MGAT5: variants seen among roughly 807,000 people sequenced by gnomAD.
The protein encoded by MGAT5 is alpha-1,6-mannosylglycoprotein 6-beta-N-acetylglucosaminyltransferase.
MGAT5 carries 30 observed loss-of-function variants against 94.3 expected under a neutral mutation model. That is an observed-to-expected ratio of 0.32 (90% CI 0.24 to 0.43). The LOEUF is 0.43. Among genes scored for constraint, MGAT5 ranks in the 20% least tolerant of loss-of-function variants. The pLI is 1.00. For missense variants in MGAT5, 691 were observed against 905.5 expected (o/e 0.76, Z 3.04); for synonymous variants, 310 against 322.9 (o/e 0.96, Z 0.43).
At chr2:134,200,466 C>A (rs1679731377) in intron 1 of MGAT5, among the ~76,000 whole-genome samples, 1 of 152,188 alleles carries the variant, frequency 6.6e-6, no homozygotes, top group Non-Finnish European at 1.5e-5. Flanking sequence ...AATGGTGTTA[C>A]AAGTCTCTTT....
intron 1 of MGAT5, among the ~76,000 whole-genome samples, chr2:134,215,161 C>G (rs11679218): frequency 6.6e-6 from 1 of 152,090 alleles, no homozygotes; most frequent in Non-Finnish European, 1.5e-5. Flanking sequence ...TTGATCCACC[C>G]ATTCTACCGT....
At chr2:134,174,888 G>T (rs10496721) in intron 1 of MGAT5, among the ~76,000 whole-genome samples, 27,605 of 152,236 alleles carry the variant, frequency 0.18, 2,752 homozygotes, top group South Asian at 0.24. Flanking sequence ...CCTCTTCTGG[G>T]TGCTTTGCCT....
chr2:134,159,748 C>T (rs7573260), intron 1 of MGAT5, among the ~76,000 whole-genome samples: 11,257 of 152,128 alleles, frequency 0.074, 913 homozygotes, highest in African/African-American at 0.2. Flanking sequence ...TCTCCACTCC[C>T]GCCCCAGAGG....
intron 2 of MGAT5, among the ~76,000 whole-genome samples, chr2:134,287,354 T>C (rs1394330034): frequency 2.6e-5 from 4 of 152,250 alleles, no homozygotes; most frequent in Non-Finnish European, 5.9e-5. Flanking sequence ...TGAGGTATTA[T>C]ATTTAAAAAT....
chr2:134,156,358 A>G (rs1471246762), intron 1 of MGAT5, among the ~76,000 whole-genome samples: 3 of 152,100 alleles, frequency 2.0e-5, no homozygotes, highest in Non-Finnish European at 4.4e-5. Flanking sequence ...GGCTGTCCAG[A>G]TAAGTTCGTC....
At chr2:134,178,998 C>A (rs1558972391) in intron 1 of MGAT5, among the ~76,000 whole-genome samples, 2 of 152,042 alleles carry the variant, frequency 1.3e-5, no homozygotes, top group Non-Finnish European at 2.9e-5. Flanking sequence ...TATTTGTAAC[C>A]CTGAAATCAA....
upstream of MGAT5, among the ~76,000 whole-genome samples, chr2:134,252,131 A>G (rs978933803): frequency 1.3e-5 from 2 of 152,196 alleles, no homozygotes; most frequent in Non-Finnish European, 2.9e-5. Flanking sequence ...GGAAAGGAAC[A>G]CTGCAGGCTG....
At chr2:134,127,755 A>G (rs1246473142) in intron 1 of MGAT5, among the ~76,000 whole-genome samples, 1 of 151,994 alleles carries the variant, frequency 6.6e-6, no homozygotes, top group Non-Finnish European at 1.5e-5. Flanking sequence ...TCTCATCTGA[A>G]AAGTGGTGCA....
intron 1 of MGAT5, among the ~76,000 whole-genome samples, chr2:134,218,552 G>C (rs1680606904): frequency 6.6e-6 from 1 of 152,150 alleles, no homozygotes; most frequent in South Asian, 2.1e-4. Flanking sequence ...GTCTAGGATG[G>C]GTTCCACGGG....
chr2:134,256,244 T>G (rs1229886226), intron 1 of MGAT5, among the ~76,000 whole-genome samples: 1 of 152,240 alleles, frequency 6.6e-6, no homozygotes, highest in Non-Finnish European at 1.5e-5. Context: ...GACTCACATT[T>G]GTGTAACATT....
At chr2:134,367,774 A>G (rs969039339) in intron 10 of MGAT5, among the ~76,000 whole-genome samples, 2 of 152,242 alleles carry the variant, frequency 1.3e-5, no homozygotes, top group Non-Finnish European at 2.9e-5. Flanking sequence ...CACTCTAGAG[A>G]TGGAGCTCCA....
chr2:134,206,830 C>T (rs927287436), intron 1 of MGAT5, among the ~76,000 whole-genome samples: 2 of 152,252 alleles, frequency 1.3e-5, no homozygotes, highest in East Asian at 1.9e-4. Context: ...GGCAAGGAAC[C>T]GACTGTCCCT....
In MGAT5 at chr2:134,207,886, C is replaced by G. The variant is rs1265887875; in HGVS notation, c.-142-46376C>G. 2.6e-5 allele frequency among the ~76,000 whole-genome samples: 4 copies of G among 152,352 alleles called. No individual in the cohort carries two copies. The South Asian group carries it at 8.3e-4, about 32-fold the overall frequency. On this transcript the variant is annotated intron_variant, in intron 1 of 16. Coordinates refer to the MGAT5 transcript ENST00000409645. ...TTTTAAGGAGAGGGATTAGCATTGA[C>G]TCTGATACCTTGTTGGTTTGTGTGT...
intron 5 of MGAT5, 64 bp downstream of exon 5, chr2:134,336,352 G>T: frequency 3.7e-6 from 5 of 1,351,628 alleles, no homozygotes; most frequent in South Asian, 1.2e-5. Flanking sequence ...AGTGATACAT[G>T]TGGAATCTTC....
intron 2 of MGAT5, among the ~76,000 whole-genome samples, chr2:134,294,340 G>GTTA (rs1332199594): frequency 6.6e-6 from 1 of 152,034 alleles, no homozygotes; most frequent in Non-Finnish European, 1.5e-5. Context: ...AGGTCTTAAC[G>GTTA]TAGGGGCTTT....
At chr2:134,155,968 T>G (rs1687457567) in intron 1 of MGAT5, among the ~76,000 whole-genome samples, 1 of 152,224 alleles carries the variant, frequency 6.6e-6, no homozygotes, top group Non-Finnish European at 1.5e-5. Context: ...CCCGCCGTTC[T>G]TTTCTTCATA....
intron 2 of MGAT5, among the ~76,000 whole-genome samples, chr2:134,316,855 C>T (rs992150163): frequency 6.6e-6 from 1 of 152,086 alleles, no homozygotes; most frequent in Non-Finnish European, 1.5e-5. Context: ...CATTTGTTTT[C>T]GTTTTGACCC....
chr2:134,348,018 G>T (rs1689020988), intron 8 of MGAT5, among the ~76,000 whole-genome samples: 1 of 152,198 alleles, frequency 6.6e-6, no homozygotes, highest in South Asian at 2.1e-4. Context: ...CCCACTTTTT[G>T]CAGTGACCTG....
rs531339916 is a variant in MGAT5, at chr2:134,449,263, C to T, written c.*416C>T. The stretch of plus-strand genomic sequence containing the variant: ...TTTATTCGGGTGGGAGGGAGGGGAC[C>T]GCGGGAGGGAGAGGAGGGATTGATC... On this transcript the variant is annotated 3_prime_UTR_variant, in exon 16 of 16. Coordinates refer to ENST00000281923, the MANE Select transcript of MGAT5 (RefSeq NM_002410.5). 257 of 203,212 alleles carry T rather than the reference C, an allele frequency of 1.3e-3. 2 individuals are homozygous for T. The highest frequency in any genetic ancestry group is 3.4e-3 in the Admixed American group (65 of 18,846). The allele number at this position is 203,212 out of a possible 1,614,324, so 12.6% of individuals were successfully genotyped here.
Sources: gnomAD v4.1 joint callset for allele counts (sites outside exome capture counted in the v4.1 genomes callset) on GRCh38, gnomAD v4.1.1 for gene constraint, MANE v1.5 for transcripts, NCBI Gene and HGNC (gene_info 2026-07-23, HGNC 2026-07-21) for gene names.